Variants in VAV1 observed in about 807,000 individuals in gnomAD.
The protein encoded by VAV1 is vav guanine nucleotide exchange factor 1.
In VAV1, 33 loss-of-function variants were observed where a neutral mutation model predicts 128.1. The observed-to-expected ratio is 0.26, with a 90% CI of 0.20 to 0.34. The LOEUF (loss-of-function observed/expected upper bound fraction) is 0.34, where lower values mean the gene tolerates loss of function less well. VAV1 is among the 10% of genes least tolerant of loss of function. The pLI, the probability that VAV1 is intolerant of heterozygous loss-of-function variation, is 1.00. For missense variants in VAV1, 715 were observed against 1,093.7 expected, an observed-to-expected ratio of 0.65 and a Z score of 4.88; for synonymous variants, 394 against 409.8, an observed-to-expected ratio of 0.96 and a Z score of 0.47.
At chr19:6,856,171 C>A (rs996056292) in intron 26 of VAV1, among the ~76,000 whole-genome samples, 1 of 152,130 alleles carries the variant, frequency 6.6e-6, no homozygotes, top group Non-Finnish European at 1.5e-5. Context: ...GTGGCGTGCG[C>A]CTCTAATCCC....
In VAV1 at chr19:6,828,115, C is replaced by T. The variant is rs1009235778; in HGVS notation, c.967C>T (p.Arg323Trp). The change falls in exon 10 of 27, where the codon CGG (arginine) becomes TGG (tryptophan). Residue 323 changes from arginine (R) to tryptophan (W), a missense_variant. Transcript: ENST00000602142. The surrounding 1 kb of genome is among the most constrained non-coding windows in gnomAD (Gnocchi z 4.5). Reference protein sequence around the residue: ...QRANNGRFTLRDLLMVPMQRV... With the variant: ...QRANNGRFTLWDLLMVPMQRV... The stretch of plus-strand genomic sequence containing the variant: ...AGCCAACAACGGGAGGTTCACCCTG[C>T]GGGACCTGCTGATGGTGCCTATGCA... 6.8e-6 allele frequency: 11 copies of T among 1,614,030 alleles called. No individual in the cohort carries two copies. The highest frequency in any genetic ancestry group is 2.2e-5 in the East Asian group (1 of 44,888).
Position 6,833,446 on chromosome 19 carries a change from G to T in VAV1, c.1611-82G>T. 2.1e-6 allele frequency: 3 copies of T among 1,444,354 alleles called. No homozygotes were observed. In the East Asian group the frequency reaches 6.9e-5, roughly 33 times the overall value. The allele number at this position is 1,444,354 out of a possible 1,614,324, so 89.5% of individuals were successfully genotyped here. ...CTCCTGATCTAAAGAGAACCCAAGG[G>T]GTCCCTTTATGTTTTTAGCAGAATA... On this transcript the variant is annotated intron_variant, in intron 16 of 26. Transcript: ENST00000602142.
At chr19:6,781,841 C>T (rs753469733) in intron 1 of VAV1, among the ~76,000 whole-genome samples, 2 of 152,108 alleles carry the variant, frequency 1.3e-5, no homozygotes, top group African/African-American at 2.4e-5. Flanking sequence ...CTCCTGACCT[C>T]GAGTGATCCA....
chr19:6,854,940 G>A (rs1304295367), intron 26 of VAV1, among the ~76,000 whole-genome samples: 2 of 152,158 alleles, frequency 1.3e-5, no homozygotes, highest in Admixed American at 1.3e-4. Context: ...GGGGTGAGAG[G>A]TGCCTAATCA....
intron 21 of VAV1, among the ~76,000 whole-genome samples, chr19:6,839,281 T>C (rs544479446): frequency 1.8e-3 from 267 of 151,934 alleles, no homozygotes; most frequent in South Asian, 9.1e-3. Flanking sequence ...CTTGAACTCC[T>C]GGGCTCAAGC....
chr19:6,821,766 G>A, intron 3 of VAV1, 25 bp from the exon 4 acceptor site: 1 of 1,613,632 alleles, frequency 6.2e-7, no homozygotes, highest in South Asian at 1.1e-5. Context: ...CCAGGCCCCT[G>A]GCTCACACCC....
chr19:6,824,891 G>A (rs137994182), intron 6 of VAV1, among the ~76,000 whole-genome samples, 162 bp from the exon 7 acceptor site: 2 of 152,244 alleles, frequency 1.3e-5, no homozygotes, highest in East Asian at 1.9e-4. Context: ...CCGCTTTTGG[G>A]TTATTATGAA....
intron 1 of VAV1, among the ~76,000 whole-genome samples, chr19:6,814,675 T>TTCCTTTCTTTCTTC (rs1568299213): frequency 1.2e-4 from 9 of 77,122 alleles, no homozygotes; most frequent in African/African-American, 4.7e-4. Context: ...TTCCTTCCTT[T>TTCCTTTCTTTCTTC]CTTTCTTTCT....
chr19:6,773,960 G>A (rs905223502), intron 1 of VAV1, among the ~76,000 whole-genome samples: 20 of 152,026 alleles, frequency 1.3e-4, no homozygotes, highest in Non-Finnish European at 2.5e-4. Context: ...CTGCCCTGAG[G>A]TCTGAGGGGA....
At chr19:6,853,901 G>C (rs147921520) in intron 25 of VAV1, 46 bp from the exon 26 acceptor site, 2 of 1,590,146 alleles carry the variant, frequency 1.3e-6, no homozygotes, top group East Asian at 2.2e-5. Context: ...AGAGTGAGTG[G>C]GTATCTGCCC....
At chr19:6,793,957 A>C (rs561575218) in intron 1 of VAV1, among the ~76,000 whole-genome samples, 154 of 152,310 alleles carry the variant, frequency 1.0e-3, no homozygotes, top group African/African-American at 3.6e-3. Flanking sequence ...TTGGTAAATG[A>C]TTTACCAGTG....
chr19:6,836,874 A>ATG (rs111456884), intron 20 of VAV1, 111 bp from the exon 21 acceptor site: 25,318 of 594,444 alleles, frequency 0.043, 3,024 homozygotes, highest in African/African-American at 0.33. Flanking sequence ...ACACACACAC[A>ATG]CACACGAGTG....
chr19:6,792,714 A>G (rs1469193389), intron 1 of VAV1, among the ~76,000 whole-genome samples: 1 of 146,744 alleles, frequency 6.8e-6, no homozygotes, highest in Non-Finnish European at 1.5e-5. Context: ...TGTCCGGTGC[A>G]TGGTTCTTAA....
chr19:6,857,234 C>CTGGACGCT lies in VAV1; in HGVS notation c.*127_*128insTGGACGCT. 3.0e-6 allele frequency: 4 copies of CTGGACGCT among 1,322,290 alleles called. No homozygotes were observed. The highest frequency in any genetic ancestry group is 3.1e-6 in the Non-Finnish European group (3 of 967,362). 81.9% of individuals were successfully genotyped at this position (1,322,290 alleles called of 1,614,324 possible). A position where few individuals can be genotyped will look rare whatever the true frequency, so the allele number is the denominator to read the frequency against. On this transcript the variant is annotated 3_prime_UTR_variant, in exon 27 of 27. Coordinates refer to ENST00000602142, the MANE Select transcript of VAV1 (RefSeq NM_005428.4). ...TTTGGGATGGACTGGAGGAGGCCAG[C>CTGGACGCT]GTCCAGCTGGCGGTGCTCCCGGGAT...
intron 1 of VAV1, among the ~76,000 whole-genome samples, chr19:6,791,286 G>C (rs1452638935): frequency 1.3e-5 from 2 of 152,054 alleles, no homozygotes; most frequent in African/African-American, 2.4e-5. Flanking sequence ...TGAGGTCCTT[G>C]AGATACCTCC....
intron 1 of VAV1, among the ~76,000 whole-genome samples, chr19:6,781,134 C>A (rs894336658): frequency 1.3e-5 from 2 of 152,084 alleles, no homozygotes; most frequent in African/African-American, 4.8e-5. Context: ...AACTCCTGGC[C>A]TCAAGAGACC....
intron 22 of VAV1, among the ~76,000 whole-genome samples, chr19:6,844,367 C>T (rs767551758): frequency 4.0e-5 from 6 of 151,812 alleles, no homozygotes; most frequent in Non-Finnish European, 7.4e-5. Context: ...AGGCACCTGC[C>T]GCCACACCTG....
intron 14 of VAV1, among the ~76,000 whole-genome samples, chr19:6,830,145 G>A (rs1218010443): frequency 7.2e-5 from 11 of 152,146 alleles, no homozygotes; most frequent in South Asian, 2.1e-4. Flanking sequence ...CGCAACCTCC[G>A]CCTCCTGGGT....
intron 24 of VAV1, among the ~76,000 whole-genome samples, chr19:6,852,517 C>G (rs910606003): frequency 6.6e-6 from 1 of 152,018 alleles, no homozygotes; most frequent in African/African-American, 2.4e-5. Context: ...GTCAGGAGAT[C>G]GAGACCATCC....
Sources: allele counts gnomAD v4.1 joint callset (sites outside exome capture counted in the v4.1 genomes callset), GRCh38; gene constraint gnomAD v4.1.1; non-coding constraint Gnocchi (gnomAD v3.1); transcripts MANE v1.5; gene names NCBI Gene and HGNC (gene_info 2026-07-23, HGNC 2026-07-21).